RBFOX3: variants seen among roughly 807,000 people sequenced by gnomAD.
RBFOX3 encodes RNA binding protein fox-1 homolog 3.
RBFOX3 carries 17 observed loss-of-function variants against 48.7 expected under a neutral mutation model. The observed-to-expected ratio is 0.35, with a 90% CI of 0.24 to 0.52. The LOEUF (loss-of-function observed/expected upper bound fraction) is 0.52. Among genes scored for constraint, RBFOX3 ranks in the 20% least tolerant of loss-of-function variants. RBFOX3 has a pLI of 0.94. For synonymous variants in RBFOX3, 212 were observed against 209.5 expected (o/e 1.01, Z -0.10); for missense variants, 382 against 497.5 (o/e 0.77, Z 2.21).
At position 79,124,494 on chromosome 17, in the gene RBFOX3, C is replaced by T. The variant is rs534451296; in HGVS notation, c.-33-8746G>A. ...TGGGGCCTTATACACTAGAGGATTT[C>T]TGGTACCACAGGGAACTGACCATTC... On this transcript the variant is annotated intron_variant, in intron 4 of 14. Coordinates refer to ENST00000693108, the MANE Select transcript of RBFOX3 (RefSeq NM_001350451.2). 2.6e-5 allele frequency among the ~76,000 whole-genome samples: 4 copies of T among 152,332 alleles called. No homozygotes were observed. The South Asian group carries it at 8.3e-4, about 32-fold the overall frequency.
At chr17:79,315,307 A>G (rs148266342) in intron 2 of RBFOX3, among the ~76,000 whole-genome samples, 2,275 of 152,322 alleles carry the variant, frequency 0.015, 28 homozygotes, top group Middle Eastern at 0.044. Flanking sequence ...GCTCCCCTGC[A>G]TCCTTCTCTC....
At chr17:79,152,402 G>A (rs2044742992) in intron 4 of RBFOX3, among the ~76,000 whole-genome samples, 1 of 152,132 alleles carries the variant, frequency 6.6e-6, no homozygotes, top group Admixed American at 6.5e-5. Flanking sequence ...AGAGTCATAG[G>A]AGCAGTGCGG....
At chr17:79,638,272 AAAC>A in the RBFOX3 span, among the ~76,000 whole-genome samples, 1 of 151,592 alleles carries the variant, frequency 6.6e-6, no homozygotes, top group Non-Finnish European at 1.5e-5. Context: ...GAGAATAGAA[AAAC>A]AATAGGTAAA....
chr17:79,339,967 C>T (rs1304666929), intron 2 of RBFOX3, among the ~76,000 whole-genome samples: 2 of 152,218 alleles, frequency 1.3e-5, no homozygotes, highest in African/African-American at 4.8e-5. Context: ...CCTGTTCTCC[C>T]TCTGTCTTTC....
chr17:79,419,897 C>T (rs138576866), intron 2 of RBFOX3, among the ~76,000 whole-genome samples: 657 of 152,232 alleles, frequency 4.3e-3, no homozygotes, highest in Non-Finnish European at 7.6e-3. Flanking sequence ...GAGGCCGAGG[C>T]AGGCAGACTG....
chr17:79,185,185 A>G (rs2053148494), intron 4 of RBFOX3, among the ~76,000 whole-genome samples: 1 of 152,224 alleles, frequency 6.6e-6, no homozygotes, highest in Non-Finnish European at 1.5e-5. Context: ...GAGACGAGGC[A>G]GGCGAGCTGG....
At chr17:79,654,917 G>A in the RBFOX3 span, among the ~76,000 whole-genome samples, 6 of 152,168 alleles carry the variant, frequency 3.9e-5, no homozygotes, top group African/African-American at 1.4e-4. Flanking sequence ...TACCGTCTAA[G>A]GACTAAGATC....
At chr17:79,259,595 C>T (rs553649415) in intron 3 of RBFOX3, among the ~76,000 whole-genome samples, 15 of 152,180 alleles carry the variant, frequency 9.9e-5, no homozygotes, top group African/African-American at 2.6e-4. Flanking sequence ...TGCCTGGGAC[C>T]GCATGGAAGG....
At chr17:79,129,572 T>A (rs1195142428) in intron 4 of RBFOX3, among the ~76,000 whole-genome samples, 1 of 152,226 alleles carries the variant, frequency 6.6e-6, no homozygotes, top group Non-Finnish European at 1.5e-5. Flanking sequence ...GAGACCCTGA[T>A]ATGCACCCAC....
chr17:79,576,486 A>G (rs974568854), intron 1 of RBFOX3, among the ~76,000 whole-genome samples: 6 of 151,830 alleles, frequency 4.0e-5, no homozygotes, highest in East Asian at 1.9e-4. Context: ...CAACATGGAG[A>G]AGATGGAGAT....
chr17:79,558,608 A>G (rs910143466), intron 1 of RBFOX3, among the ~76,000 whole-genome samples: 9 of 152,118 alleles, frequency 5.9e-5, no homozygotes, highest in East Asian at 1.9e-4. Flanking sequence ...GCCGGGCTCC[A>G]TGCACTCACT....
At position 79,361,195 on chromosome 17, in the gene RBFOX3, C is replaced by A. The variant is rs2086280857; in HGVS notation, c.-174-53371G>T. ...AACATCAGGCTGTTCCCCAGACCCA[C>A]CCATCTGCAGACAATTTCTCCTGGA... On this transcript the variant is annotated intron_variant, in intron 2 of 14. Transcript: ENST00000693108. This position sits in a 1 kb window ranked among gnomAD's most constrained non-coding sequence, Gnocchi z 4.5. Among the ~76,000 whole-genome samples the A allele has an allele frequency of 1.3e-5, 2 of 152,192 alleles. No homozygotes were observed. The highest frequency in any genetic ancestry group is 4.1e-4 in the South Asian group (2 of 4,830).
chr17:79,410,376 G>A (rs1806181206), intron 2 of RBFOX3, among the ~76,000 whole-genome samples: 1 of 152,196 alleles, frequency 6.6e-6, no homozygotes, highest in Non-Finnish European at 1.5e-5. Flanking sequence ...AGCACCTGGT[G>A]TACACACATC....
At chr17:79,315,981 T>C (rs953874596) in intron 2 of RBFOX3, among the ~76,000 whole-genome samples, 1 of 152,076 alleles carries the variant, frequency 6.6e-6, no homozygotes, top group Non-Finnish European at 1.5e-5. Context: ...GAGGGGTCTT[T>C]GGGGGAGGAA....
the RBFOX3 span, among the ~76,000 whole-genome samples, chr17:79,631,638 A>C: frequency 1.3e-5 from 2 of 152,170 alleles, no homozygotes; most frequent in Non-Finnish European, 1.5e-5. Context: ...GGCACCGAGG[A>C]AGTGTCTTCT....
At chr17:79,259,415 G>A (rs1011646463) in intron 3 of RBFOX3, among the ~76,000 whole-genome samples, 10 of 152,192 alleles carry the variant, frequency 6.6e-5, no homozygotes, top group South Asian at 2.1e-4. Flanking sequence ...CCCCAGAGGC[G>A]AATGGGAAGG....
At chr17:79,467,768 C>T (rs1357307509) in intron 2 of RBFOX3, among the ~76,000 whole-genome samples, 2 of 152,156 alleles carry the variant, frequency 1.3e-5, no homozygotes, top group Non-Finnish European at 2.9e-5. Context: ...TCACTATGGT[C>T]TTTGTTCAGA....
intron 4 of RBFOX3, among the ~76,000 whole-genome samples, chr17:79,160,980 C>CAAAAAAA (rs58561038): frequency 9.3e-6 from 1 of 107,286 alleles, no homozygotes; most frequent in Non-Finnish European, 2.1e-5. Context: ...GACTCCATCT[C>CAAAAAAA]AAAAAAAAAA....
In RBFOX3 at chr17:79,482,269, G is replaced by A. The variant is rs2078885759; in HGVS notation, c.-175+185C>T. On this transcript the variant is annotated intron_variant, in intron 2 of 14. Transcript: ENST00000693108. This position sits in a 1 kb window ranked among gnomAD's most constrained non-coding sequence, Gnocchi z 4.1. ...AAAAATTCTACCCCATACCTTCTTG[G>A]GCGTCCGTCGATGTTCCCCCTCCTA... is the stretch of plus-strand genomic sequence containing the variant. Among the ~76,000 whole-genome samples the A allele has an allele frequency of 6.6e-6, 1 of 152,074 alleles. No individual in the cohort carries two copies. The highest frequency in any genetic ancestry group is 2.1e-4 in the South Asian group (1 of 4,818).
Sources: allele counts gnomAD v4.1 joint callset (sites outside exome capture counted in the v4.1 genomes callset), GRCh38; gene constraint gnomAD v4.1.1; non-coding constraint Gnocchi (gnomAD v3.1); transcripts MANE v1.5; gene names NCBI Gene and HGNC (gene_info 2026-07-23, HGNC 2026-07-21).